IGF1R: variants seen among roughly 807,000 people sequenced by gnomAD.
IGF1R encodes the protein insulin like growth factor 1 receptor.
IGF1R carries 44 observed loss-of-function variants against 144.6 expected under a neutral mutation model. The observed-to-expected ratio is 0.30, with a 90% CI of 0.24 to 0.39. The LOEUF is 0.39. Ranked by LOEUF, IGF1R falls within the 10% of genes least tolerant of loss-of-function variation. The pLI, the probability that IGF1R is intolerant of heterozygous loss-of-function variation, is 1.00. For synonymous variants in IGF1R, 795 were observed against 722.8 expected, an observed-to-expected ratio of 1.10 and a Z score of -1.60; for missense variants, 1,355 against 1,833.7, an observed-to-expected ratio of 0.74 and a Z score of 4.77.
At chr15:98,936,744 C>G (rs528182565) in intron 17 of IGF1R, among the ~76,000 whole-genome samples, 1 of 152,142 alleles carries the variant, frequency 6.6e-6, no homozygotes, top group South Asian at 2.1e-4. Flanking sequence ...TGTTTGGGGC[C>G]AAGTGTGGAC....
chr15:98,715,092 G>A (rs2054082643), intron 2 of IGF1R, among the ~76,000 whole-genome samples: 1 of 152,212 alleles, frequency 6.6e-6, no homozygotes, highest in African/African-American at 2.4e-5. Context: ...GTGTGGGGGT[G>A]ATCTTTATTT....
chr15:98,649,662 G>A lies in IGF1R; in HGVS notation c.81G>A (p.Pro27=). 6.2e-7 allele frequency: 1 copy of A among 1,609,486 alleles called. No homozygotes were observed. Among genetic ancestry groups the A allele is most frequent in the Non-Finnish European group, 8.5e-7 (1 of 1,178,132 alleles). ...LFLSAALSLW[P]TSGEICGPGI... is the part of the protein sequence containing the mutation. ...TCTCCGCCGCGCTCTCGCTCTGGCC[G>A]ACGAGTGGAGAAAGTGAGTATGTGC... is the stretch of plus-strand genomic sequence containing the variant. Residue 27 remains proline, a synonymous_variant, in exon 1 of 21, where the codon CCG becomes CCA. Transcript: ENST00000650285.
intron 2 of IGF1R, among the ~76,000 whole-genome samples, chr15:98,761,838 T>G (rs2055304107): frequency 6.6e-6 from 1 of 152,194 alleles, no homozygotes. Flanking sequence ...CCACAAACAT[T>G]TGTTGGCCAC....
Position 98,934,832 on chromosome 15 carries a change from C to T in IGF1R, c.2965C>T (p.Pro989Ser). The change falls in exon 16 of 21, where the codon CCT becomes TCT. Residue 989 changes from proline (P) to serine (S), a missense_variant. Physicochemically the swap from Pro to Ser is moderately conservative, Grantham distance 74. Transcript: ENST00000650285. ...EYFSAADVYV[P>S]DEWEVAREKI... is the part of the protein sequence containing the mutation. The stretch of plus-strand genomic sequence containing the variant: ...TACGGTTTCTTCTCCAGTGTACGTT[C>T]CTGATGAGTGGGAGGTGGCTCGGGA... The T allele has an allele frequency of 1.2e-6, 2 of 1,613,978 alleles. No individual in the cohort carries two copies. The highest frequency in any genetic ancestry group is 1.7e-6 in the Non-Finnish European group (2 of 1,179,918).
chr15:98,896,637 C>G (rs1241850820), intron 3 of IGF1R, 120 bp from the exon 4 acceptor site: 1 of 1,048,710 alleles, frequency 9.5e-7, no homozygotes, highest in Non-Finnish European at 1.4e-6. Flanking sequence ...CACTTCAAAA[C>G]AGTTGCTTTT....
chr15:98,859,514 G>A (rs924967759), intron 2 of IGF1R, among the ~76,000 whole-genome samples: 1 of 152,164 alleles, frequency 6.6e-6, no homozygotes. Context: ...TTTCCAGTTC[G>A]TAAGCTTTGC....
At chr15:98,806,980 G>A (rs2056485740) in intron 2 of IGF1R, among the ~76,000 whole-genome samples, 1 of 152,108 alleles carries the variant, frequency 6.6e-6, no homozygotes, top group African/African-American at 2.4e-5. Flanking sequence ...GGGCAACATG[G>A]TGAAACCCCG....
intron 2 of IGF1R, among the ~76,000 whole-genome samples, chr15:98,734,304 A>T (rs1262100168): frequency 6.6e-6 from 1 of 152,120 alleles, no homozygotes; most frequent in Non-Finnish European, 1.5e-5. Flanking sequence ...CGTGTTTTTT[A>T]AAAAAATTAA....
intron 1 of IGF1R, among the ~76,000 whole-genome samples, chr15:98,659,191 C>T (rs1438468278): frequency 6.6e-6 from 1 of 152,034 alleles, no homozygotes; most frequent in African/African-American, 2.4e-5. Context: ...CTTTATTTTG[C>T]TAAGGTGTTT....
intron 2 of IGF1R, among the ~76,000 whole-genome samples, chr15:98,775,963 C>T (rs2055702722): frequency 1.3e-5 from 2 of 152,170 alleles, no homozygotes; most frequent in South Asian, 4.1e-4. Context: ...AGAATATTTG[C>T]CTAAATACAG....
At chr15:98,735,368 G>T (rs45593636) in intron 2 of IGF1R, among the ~76,000 whole-genome samples, 8 of 152,180 alleles carry the variant, frequency 5.3e-5, no homozygotes, top group Non-Finnish European at 1.0e-4. Flanking sequence ...CCTGCATATT[G>T]TCTTCATTCT....
chr15:98,729,187 C>T (rs1384252231), intron 2 of IGF1R, among the ~76,000 whole-genome samples: 3 of 152,286 alleles, frequency 2.0e-5, no homozygotes, highest in South Asian at 2.1e-4. Context: ...AACAGCTGTT[C>T]TTTGAAAGGT....
chr15:98,762,814 G>A (rs978338458), intron 2 of IGF1R, among the ~76,000 whole-genome samples: 3 of 151,660 alleles, frequency 2.0e-5, no homozygotes, highest in Admixed American at 6.6e-5. Flanking sequence ...TTAGGAGGCC[G>A]AGGCGGGCCG....
chr15:98,907,745 A>G (rs909760868), intron 5 of IGF1R, among the ~76,000 whole-genome samples: 1 of 152,224 alleles, frequency 6.6e-6, no homozygotes, highest in East Asian at 1.9e-4. Context: ...GGGTAGCCAG[A>G]TAGAACGGCT....
At chr15:98,655,504 C>G (rs1024273815) in intron 1 of IGF1R, among the ~76,000 whole-genome samples, 8 of 152,080 alleles carry the variant, frequency 5.3e-5, no homozygotes, top group African/African-American at 1.9e-4. Flanking sequence ...TTCCCTCCCT[C>G]TTTTCTTCCA....
At chr15:98,772,085 A>AC (rs944224623) in intron 2 of IGF1R, among the ~76,000 whole-genome samples, 9 of 152,166 alleles carry the variant, frequency 5.9e-5, no homozygotes, top group South Asian at 2.1e-4. Context: ...GGCCAGTGAG[A>AC]CCCCCAAACT....
At chr15:98,650,893 A>G in intron 1 of IGF1R, 1 of 984,268 alleles carries the variant, frequency 1.0e-6, no homozygotes, top group Middle Eastern at 5.2e-4. Context: ...GGGGGTTAGT[A>G]GGGAAGCGCG....
intron 1 of IGF1R, among the ~76,000 whole-genome samples, chr15:98,695,521 C>A (rs943297180): frequency 6.6e-6 from 1 of 152,172 alleles, no homozygotes; most frequent in Non-Finnish European, 1.5e-5. Flanking sequence ...AGCTCTGCTC[C>A]CTAAATTACC....
chr15:98,868,816 G>C (rs1398153566), intron 2 of IGF1R, among the ~76,000 whole-genome samples: 2 of 152,112 alleles, frequency 1.3e-5, no homozygotes, highest in Non-Finnish European at 2.9e-5. Flanking sequence ...GTAAATGTTA[G>C]GTACCTTCCT....
Sources: gnomAD v4.1 joint callset for allele counts (sites outside exome capture counted in the v4.1 genomes callset) on GRCh38, gnomAD v4.1.1 for gene constraint, MANE v1.5 for transcripts, NCBI Gene and HGNC (gene_info 2026-07-23, HGNC 2026-07-21) for gene names.